Variants in CGNL1 observed in about 807,000 individuals in gnomAD.
CGNL1 encodes the protein cingulin like 1.
In CGNL1, 132 loss-of-function variants were observed where a neutral mutation model predicts 141.2. The ratio of observed to expected loss-of-function variants is 0.93; its 90% CI spans 0.81 to 1.08. The LOEUF (loss-of-function observed/expected upper bound fraction) is 1.08. Ranked by LOEUF, CGNL1 falls within the 50% of genes least tolerant of loss-of-function variation. CGNL1 has a pLI of 0.00. For missense variants in CGNL1, 1,870 were observed against 1,588.6 expected, an observed-to-expected ratio of 1.18 and a Z score of -3.01; for synonymous variants, 690 against 622.1, an observed-to-expected ratio of 1.11 and a Z score of -1.63.
intron 14 of CGNL1, among the ~76,000 whole-genome samples, chr15:57,541,122 G>C (rs1276268486): frequency 6.6e-6 from 1 of 152,240 alleles, no homozygotes; most frequent in East Asian, 1.9e-4. Flanking sequence ...ATTCAATCAA[G>C]TTCCTTGCTT....
At chr15:57,416,666 G>T (rs2062852964) in intron 1 of CGNL1, among the ~76,000 whole-genome samples, 1 of 152,144 alleles carries the variant, frequency 6.6e-6, no homozygotes, top group African/African-American at 2.4e-5. Flanking sequence ...TACTGCTGGG[G>T]TGCACACACA....
chr15:57,442,291 T>C (rs1276050953), intron 3 of CGNL1, 82 bp from the exon 4 acceptor site: 3 of 738,780 alleles, frequency 4.1e-6, no homozygotes, highest in East Asian at 6.1e-5. Flanking sequence ...AAAGGACCTG[T>C]TGGGTGTGTG....
intron 8 of CGNL1, among the ~76,000 whole-genome samples, chr15:57,510,947 C>G (rs16977553): frequency 0.032 from 4,874 of 152,180 alleles, 269 homozygotes; most frequent in African/African-American, 0.11. Flanking sequence ...CCCAGAGGTA[C>G]CCATGAAAAG....
chr15:57,392,561 G>A (rs1193242037), intron 1 of CGNL1, among the ~76,000 whole-genome samples: 1 of 152,202 alleles, frequency 6.6e-6, no homozygotes. Context: ...TTGCAAAGAA[G>A]TATGACTGTC....
chr15:57,495,330 G>T (rs1160678962), intron 8 of CGNL1, among the ~76,000 whole-genome samples: 1 of 152,156 alleles, frequency 6.6e-6, no homozygotes, highest in South Asian at 2.1e-4. Context: ...TTGGTGGATT[G>T]TAAGATGCAG....
chr15:57,451,640 G>A (rs761969722), intron 5 of CGNL1, 39 bp downstream of exon 5: 41 of 1,447,216 alleles, frequency 2.8e-5, no homozygotes, highest in South Asian at 1.9e-4. Flanking sequence ...TTCCATTTCT[G>A]TCTTGGTTGA....
chr15:57,538,670 AT>A (rs2032396282), intron 14 of CGNL1, among the ~76,000 whole-genome samples: 1 of 152,228 alleles, frequency 6.6e-6, no homozygotes, highest in African/African-American at 2.4e-5. Context: ...CTGCTGCTTT[AT>A]GTGGCAGGAT....
intron 1 of CGNL1, among the ~76,000 whole-genome samples, chr15:57,427,676 G>A (rs1269856873): frequency 2.6e-5 from 4 of 152,240 alleles, no homozygotes; most frequent in Admixed American, 2.6e-4. Context: ...TTCCGAGGGA[G>A]AATACTGAGC....
At chr15:57,526,815 G>A (rs1350205407) in intron 12 of CGNL1, among the ~76,000 whole-genome samples, 1 of 152,110 alleles carries the variant, frequency 6.6e-6, no homozygotes, top group African/African-American at 2.4e-5. Flanking sequence ...CCGGGTGTTA[G>A]GAGGGACCTG....
At chr15:57,523,055 T>C (rs374469665) in intron 10 of CGNL1, among the ~76,000 whole-genome samples, 10 of 152,366 alleles carry the variant, frequency 6.6e-5, no homozygotes, top group Admixed American at 2.0e-4. Context: ...GTAAGAACCA[T>C]CTGCATAGCA....
At chr15:57,407,118 G>T (rs2062732031) in intron 1 of CGNL1, 1 of 152,166 alleles carries the variant, frequency 6.6e-6, no homozygotes, top group South Asian at 2.1e-4. Flanking sequence ...CTTCCTGAAT[G>T]GCTTTCTGTA....
chr15:57,428,244 A>C (rs1381119777), intron 1 of CGNL1, among the ~76,000 whole-genome samples: 2 of 152,234 alleles, frequency 1.3e-5, no homozygotes, highest in African/African-American at 4.8e-5. Flanking sequence ...AATTAAATAC[A>C]AACTGTGGGA....
chr15:57,506,584 G>A (rs370837362), intron 8 of CGNL1, among the ~76,000 whole-genome samples: 1 of 152,130 alleles, frequency 6.6e-6, no homozygotes, highest in Admixed American at 6.5e-5. Flanking sequence ...TGGCAGGTTC[G>A]GGGCCTCCTT....
Position 57,439,125 on chromosome 15 carries a change from A to T in CGNL1, c.1126A>T (p.Asn376Tyr), listed in dbSNP as rs764966838. The T allele has an allele frequency of 1.2e-6, 2 of 1,614,180 alleles. No individual in the cohort carries two copies. The highest frequency in any genetic ancestry group is 1.7e-6 in the Non-Finnish European group (2 of 1,180,048). ...GAGAAGAGGAAGGTCTGGGAAGCGAAACAGAATTAATACAGATGACAGGAA... is the reference window on the plus strand; with the variant it reads ...GAGAAGAGGAAGGTCTGGGAAGCGATACAGAATTAATACAGATGACAGGAA... Reference protein sequence around the residue: ...LQRRGRSGKRNRINTDDRKRS... With the variant: ...LQRRGRSGKRYRINTDDRKRS... Residue 376 changes from asparagine (N) to tyrosine (Y), a missense_variant, in exon 2 of 19, where the codon AAC becomes TAC. Transcript: ENST00000281282.
intron 12 of CGNL1, among the ~76,000 whole-genome samples, chr15:57,528,225 C>T (rs999124349): frequency 6.6e-6 from 1 of 151,914 alleles, no homozygotes; most frequent in Admixed American, 6.6e-5. Flanking sequence ...CCACTGCACA[C>T]CAGCCTGGGC....
chr15:57,440,351 G>A (rs758494072), intron 2 of CGNL1, 26 bp from the exon 3 acceptor site: 8 of 1,554,584 alleles, frequency 5.1e-6, no homozygotes, highest in Non-Finnish European at 7.0e-6. Context: ...CATCCTCATG[G>A]TCTAACAACA....
intron 8 of CGNL1, among the ~76,000 whole-genome samples, chr15:57,505,105 C>G (rs10220805): frequency 0.12 from 18,709 of 152,040 alleles, 1,830 homozygotes; most frequent in East Asian, 0.46. Context: ...GGCTGGGAAA[C>G]AATTGCTCTA....
At chr15:57,499,517 C>T (rs995073219) in intron 8 of CGNL1, among the ~76,000 whole-genome samples, 17 of 152,074 alleles carry the variant, frequency 1.1e-4, no homozygotes, top group Non-Finnish European at 2.1e-4. Flanking sequence ...GGATTACAGG[C>T]GTGAGCCACC....
In CGNL1 at chr15:57,417,937, T is replaced by G. The variant is rs192460086; in HGVS notation, c.-15-20048T>G. 3.8e-3 allele frequency among the ~76,000 whole-genome samples: 573 copies of G among 152,308 alleles called. 6 individuals are homozygous for G. Among genetic ancestry groups the G allele is most frequent in the African/African-American group, 0.013 (541 of 41,558 alleles). On this transcript the variant is annotated intron_variant, in intron 1 of 18. Coordinates refer to ENST00000281282, the MANE Select transcript of CGNL1 (RefSeq NM_032866.5). ...TTGGGTGGCAGACACTGTCTTCAGCTAAGTGGCTCAGAGCTTTGACAGCAT... is the reference window on the plus strand; with the variant it reads ...TTGGGTGGCAGACACTGTCTTCAGCGAAGTGGCTCAGAGCTTTGACAGCAT...
Sources: gnomAD v4.1 joint callset for allele counts (sites outside exome capture counted in the v4.1 genomes callset) on GRCh38, gnomAD v4.1.1 for gene constraint, MANE v1.5 for transcripts, NCBI Gene and HGNC (gene_info 2026-07-23, HGNC 2026-07-21) for gene names.